AIG1: variants seen among roughly 807,000 people sequenced by gnomAD.
The protein encoded by AIG1 is androgen induced 1.
A neutral mutation model predicts 31.4 loss-of-function variants in AIG1; 23 were observed. The ratio of observed to expected loss-of-function variants is 0.73; its 90% CI spans 0.53 to 1.04. AIG1 has a LOEUF of 1.04. AIG1 is among the 50% of genes least tolerant of loss of function. The probability of loss-of-function intolerance (pLI) is 0.00; values close to 1 mark genes in which losing one functional copy is unlikely to be tolerated. For synonymous variants in AIG1, 100 were observed against 110.5 expected (o/e 0.90, Z 0.60); for missense variants, 274 against 295.0 (o/e 0.93, Z 0.52).
At chr6:143,214,981 A>G (rs1190765576) in intron 3 of AIG1, among the ~76,000 whole-genome samples, 1 of 152,096 alleles carries the variant, frequency 6.6e-6, no homozygotes, top group East Asian at 1.9e-4. Context: ...CCCACCCTCA[A>G]TGGCCATTGT....
chr6:143,269,866 C>T (rs6935257), intron 3 of AIG1, among the ~76,000 whole-genome samples: 12,823 of 152,176 alleles, frequency 0.084, 1,737 homozygotes, highest in African/African-American at 0.29. Flanking sequence ...GGAAGGCTTT[C>T]GAAGCTGTTT....
At position 143,317,617 on chromosome 6, in the gene AIG1, C is replaced by A. The variant is rs1775871608; in HGVS notation, c.516-15665C>A. 1.3e-5 allele frequency among the ~76,000 whole-genome samples: 2 copies of A among 152,076 alleles called. 1 individual carries two copies. Among genetic ancestry groups the A allele is most frequent in the South Asian group, 4.1e-4 (2 of 4,826 alleles). ...AACAAGACAAGGATGCCCACTCTCA[C>A]CACTTTTAGTCAACATAATACTGGA... is the stretch of plus-strand genomic sequence containing the variant. On this transcript the variant is annotated intron_variant, in intron 4 of 5. Transcript: ENST00000357847.
At chr6:143,236,043 A>T (rs902241261) in intron 3 of AIG1, among the ~76,000 whole-genome samples, 3 of 152,040 alleles carry the variant, frequency 2.0e-5, no homozygotes, top group Non-Finnish European at 4.4e-5. Flanking sequence ...AGCTTAAAAT[A>T]TTTTCGGGTA....
intron 4 of AIG1, among the ~76,000 whole-genome samples, chr6:143,319,981 A>G (rs536410890): frequency 4.5e-4 from 69 of 152,332 alleles, no homozygotes; most frequent in African/African-American, 1.6e-3. Context: ...TAAAGAATAA[A>G]TATCCAAAAT....
At chr6:143,214,990 G>T (rs1276370019) in intron 3 of AIG1, among the ~76,000 whole-genome samples, 4 of 152,092 alleles carry the variant, frequency 2.6e-5, no homozygotes, top group African/African-American at 9.7e-5. Flanking sequence ...AATGGCCATT[G>T]TCCATTTACT....
At chr6:143,307,934 C>T (rs1213430328) in intron 4 of AIG1, among the ~76,000 whole-genome samples, 1 of 152,248 alleles carries the variant, frequency 6.6e-6, no homozygotes, top group Non-Finnish European at 1.5e-5. Flanking sequence ...CCCAGCCTCG[C>T]TGCCGCCTTG....
downstream of AIG1, chr6:143,342,942 C>A (rs1176753447): frequency 2.1e-6 from 2 of 953,560 alleles, no homozygotes; most frequent in Non-Finnish European, 3.5e-6. Context: ...GGAGCTTCTC[C>A]TTCAGTATAG....
intron 3 of AIG1, among the ~76,000 whole-genome samples, chr6:143,212,238 C>T (rs1791650277): frequency 6.6e-6 from 1 of 152,156 alleles, no homozygotes; most frequent in Non-Finnish European, 1.5e-5. Context: ...TCCACCTATT[C>T]TTGAAGACCA....
chr6:143,097,029 C>T (rs769868811), intron 1 of AIG1, among the ~76,000 whole-genome samples: 2 of 152,032 alleles, frequency 1.3e-5, no homozygotes, highest in Non-Finnish European at 2.9e-5. Context: ...TATCTGGTTA[C>T]CACAGAAAAC....
intron 3 of AIG1, among the ~76,000 whole-genome samples, chr6:143,174,663 GTGTC>G (rs375660919): frequency 6.6e-6 from 1 of 151,930 alleles, no homozygotes; most frequent in Admixed American, 6.6e-5. Flanking sequence ...CTGCCATTTT[GTGTC>G]TGTCTTTTAA....
At chr6:143,115,176 T>C (rs1781630935) in intron 1 of AIG1, among the ~76,000 whole-genome samples, 1 of 152,242 alleles carries the variant, frequency 6.6e-6, no homozygotes, top group African/African-American at 2.4e-5. Flanking sequence ...AACATTCTTA[T>C]GCAGAAGTCT....
intron 2 of AIG1, among the ~76,000 whole-genome samples, chr6:143,158,888 A>G (rs888733472): frequency 2.6e-5 from 4 of 152,254 alleles, no homozygotes; most frequent in Admixed American, 2.6e-4. Context: ...GCAAATTTTT[A>G]TCACATCCAT....
chr6:143,123,618 T>G (rs1782419173), intron 1 of AIG1, among the ~76,000 whole-genome samples: 1 of 152,212 alleles, frequency 6.6e-6, no homozygotes, highest in Non-Finnish European at 1.5e-5. Flanking sequence ...TACATGTTAC[T>G]TTAGGCAGTT....
chr6:143,171,311 G>A lies in AIG1; in HGVS notation c.399+6128G>A, dbSNP rs1318690912. Reference sequence around the variant, plus strand: ...ATGATGTTTGATTTTCCATTCTCGAGTTACTTCACTTAGAATGATGGTTTC... The same window carrying A: ...ATGATGTTTGATTTTCCATTCTCGAATTACTTCACTTAGAATGATGGTTTC... On this transcript the variant is annotated intron_variant, in intron 3 of 5. Transcript: ENST00000357847. Among the ~76,000 whole-genome samples, 4 of 149,050 alleles carry A rather than the reference G, an allele frequency of 2.7e-5. No individual in the cohort carries two copies. The East Asian group carries it at 7.8e-4, about 29-fold the overall frequency.
chr6:143,082,648 T>C (rs1713997381), intron 1 of AIG1, among the ~76,000 whole-genome samples: 1 of 152,226 alleles, frequency 6.6e-6, no homozygotes, highest in African/African-American at 2.4e-5. Flanking sequence ...TTGCTGCCAC[T>C]ACCCGTAAAC....
chr6:143,167,728 G>A (rs1416494293), intron 3 of AIG1, among the ~76,000 whole-genome samples: 1 of 152,146 alleles, frequency 6.6e-6, no homozygotes, highest in African/African-American at 2.4e-5. Flanking sequence ...AGGAGGAATT[G>A]AATGACACAA....
At chr6:143,158,321 C>T (rs1786000601) in intron 2 of AIG1, among the ~76,000 whole-genome samples, 1 of 152,120 alleles carries the variant, frequency 6.6e-6, no homozygotes, top group Non-Finnish European at 1.5e-5. Flanking sequence ...TCCCATGCAT[C>T]GAGACCTCAT....
chr6:143,339,083 A>T (rs1416419714), intron 5 of AIG1: 1 of 152,254 alleles, frequency 6.6e-6, no homozygotes, highest in Non-Finnish European at 1.5e-5. Flanking sequence ...TTGAATAGAG[A>T]GAGAATTGCA....
chr6:143,177,089 G>A, intron 3 of AIG1, among the ~76,000 whole-genome samples: 1 of 152,150 alleles, frequency 6.6e-6, no homozygotes, highest in East Asian at 1.9e-4. Context: ...TATTATTGAA[G>A]TTCTCAATTT....
Sources: allele counts gnomAD v4.1 joint callset (sites outside exome capture counted in the v4.1 genomes callset), GRCh38; gene constraint gnomAD v4.1.1; transcripts MANE v1.5; gene names NCBI Gene and HGNC (gene_info 2026-07-23, HGNC 2026-07-21).